Variants in SLC35F1 observed in about 807,000 individuals in gnomAD.
SLC35F1 encodes the protein chromosome 6 open reading frame 169.
In SLC35F1, 14 loss-of-function variants were observed where a neutral mutation model predicts 48.7. That is an observed-to-expected ratio of 0.29 (90% CI 0.19 to 0.45). The LOEUF is 0.45. Among genes scored for constraint, SLC35F1 ranks in the 20% least tolerant of loss-of-function variants. The pLI, the probability that SLC35F1 is intolerant of heterozygous loss-of-function variation, is 1.00. For synonymous variants in SLC35F1, 190 were observed against 202.2 expected (o/e 0.94, Z 0.51); for missense variants, 404 against 500.0 (o/e 0.81, Z 1.83).
Position 118,269,629 on chromosome 6 carries a change from C to CT in SLC35F1, c.637+2483dup, listed in dbSNP as rs375557935. Among the ~76,000 whole-genome samples, 765 of 151,992 alleles carry CT rather than the reference C, an allele frequency of 5.0e-3. 8 individuals are homozygous for CT. Among genetic ancestry groups the CT allele is most frequent in the African/African-American group, 0.018 (730 of 41,464 alleles). On this transcript the variant is annotated intron_variant, in intron 4 of 7. Coordinates refer to ENST00000360388, the MANE Select transcript of SLC35F1 (RefSeq NM_001029858.4). ...TTACATATCATTATCAAAAATATTCCTTTTTTTTCATGTCTATGGCAGAGT... is the reference window on the plus strand; with the variant it reads ...TTACATATCATTATCAAAAATATTCCTTTTTTTTTCATGTCTATGGCAGAGT...
intron 1 of SLC35F1, among the ~76,000 whole-genome samples, chr6:117,966,063 C>T (rs887870092): frequency 6.6e-6 from 1 of 150,494 alleles, no homozygotes; most frequent in African/African-American, 2.4e-5. Flanking sequence ...GACCAATCAG[C>T]TCTCTGTAAA....
intron 7 of SLC35F1, among the ~76,000 whole-genome samples, chr6:118,309,858 G>C (rs938326767): frequency 1.3e-5 from 2 of 152,172 alleles, no homozygotes; most frequent in African/African-American, 2.4e-5. Context: ...CTTTGTACAG[G>C]CTTATTATCC....
rs187097577 is a variant in SLC35F1, at chr6:118,098,411, C to T, written c.174-56034C>T. 3.3e-4 allele frequency among the ~76,000 whole-genome samples: 50 copies of T among 152,108 alleles called. 1 individual carries two copies. Among genetic ancestry groups the T allele is most frequent in the Admixed American group, 3.1e-3 (48 of 15,274 alleles). ...TTCCAGTGGCAATAATTCCTTGAGC[C>T]AGAAATTATTTTGAGACACGTGGTA... On this transcript the variant is annotated intron_variant, in intron 1 of 7. Coordinates refer to ENST00000360388, the MANE Select transcript of SLC35F1 (RefSeq NM_001029858.4).
At chr6:118,025,269 G>A (rs1582625436) in intron 1 of SLC35F1, among the ~76,000 whole-genome samples, 2 of 152,124 alleles carry the variant, frequency 1.3e-5, no homozygotes, top group African/African-American at 2.4e-5. Context: ...AGGAGCACAA[G>A]TTAGATATTT....
chr6:117,949,171 T>C (rs2114825729), intron 1 of SLC35F1, among the ~76,000 whole-genome samples: 1 of 152,328 alleles, frequency 6.6e-6, no homozygotes, highest in East Asian at 1.9e-4. Context: ...TTCAAAGTCT[T>C]ATACTCTGGG....
At position 118,089,888 on chromosome 6, in the gene SLC35F1, A is replaced by G. The variant is rs949387855; in HGVS notation, c.174-64557A>G. On this transcript the variant is annotated intron_variant, in intron 1 of 7. Coordinates refer to ENST00000360388, the MANE Select transcript of SLC35F1 (RefSeq NM_001029858.4). The stretch of plus-strand genomic sequence containing the variant: ...ATAAGCCAATTTCATGAAACAAAAC[A>G]CAATGCCTTAATTCTTGACTCAAAG... Among the ~76,000 whole-genome samples, 6 of 152,320 alleles carry G rather than the reference A, an allele frequency of 3.9e-5. No individual in the cohort carries two copies. The East Asian group carries it at 1.2e-3, about 29-fold the overall frequency.
chr6:118,093,429 C>T (rs1773105293), intron 1 of SLC35F1, among the ~76,000 whole-genome samples: 1 of 152,134 alleles, frequency 6.6e-6, no homozygotes, highest in Non-Finnish European at 1.5e-5. Context: ...CCCATAATTC[C>T]CATGTATCTT....
In SLC35F1 at chr6:118,275,421, T is replaced by C. The variant is rs746623142; in HGVS notation, c.638-38T>C. The C allele has an allele frequency of 2.5e-5, 39 of 1,577,448 alleles. No individual in the cohort carries two copies. In the African/African-American group the frequency reaches 4.8e-4, roughly 19 times the overall value. On this transcript the variant is annotated intron_variant, in intron 4 of 7. Coordinates refer to ENST00000360388, the MANE Select transcript of SLC35F1 (RefSeq NM_001029858.4). ...CAGATTCTTGTTAAGAAAGTTTTAA[T>C]GATGCTCCCTCTGTTTGTTTGTTTG...
rs57170404 is a variant in SLC35F1, at chr6:118,316,947, T to C, written c.*2695T>C. The stretch of plus-strand genomic sequence containing the variant: ...AAAAATCGCAAAGAACAAATTCTTT[T>C]TCTGTGTAAAAAACACTGATCCTTT... On this transcript the variant is annotated 3_prime_UTR_variant, in exon 8 of 8. Transcript: ENST00000360388. The C allele has an allele frequency of 1.2e-3, 178 of 152,712 alleles. No individual in the cohort carries two copies. Among genetic ancestry groups the C allele is most frequent in the African/African-American group, 4.1e-3 (169 of 41,546 alleles). The allele number at this position is 152,712 out of a possible 1,614,324, so 9.5% of individuals were successfully genotyped here.
intron 3 of SLC35F1, among the ~76,000 whole-genome samples, chr6:118,262,019 G>A (rs1331373315): frequency 2.0e-5 from 3 of 152,086 alleles, no homozygotes; most frequent in African/African-American, 7.2e-5. Flanking sequence ...CTGTAAAACC[G>A]GGATACAATT....
chr6:117,991,390 C>T (rs1776918115), intron 1 of SLC35F1, among the ~76,000 whole-genome samples: 1 of 152,084 alleles, frequency 6.6e-6, no homozygotes, highest in Non-Finnish European at 1.5e-5. Flanking sequence ...ATCACTCTTC[C>T]TATTTTGGTT....
chr6:118,041,032 T>TA (rs1772212453), intron 1 of SLC35F1, among the ~76,000 whole-genome samples: 1 of 152,102 alleles, frequency 6.6e-6, no homozygotes, highest in African/African-American at 2.4e-5. Context: ...TCTAGTATTA[T>TA]AAGAAATATG....
rs1412931209 is a variant in SLC35F1 at position 118,011,042 on chromosome 6, T to G, written c.173+103143T>G. Among the ~76,000 whole-genome samples the G allele has an allele frequency of 3.3e-5, 5 of 151,994 alleles. No homozygotes were observed. The East Asian group carries it at 7.7e-4, about 23-fold the overall frequency. On this transcript the variant is annotated intron_variant, in intron 1 of 7. Transcript: ENST00000360388. ...ACATCTAGTGGGTAGAGGCCAGGGG[T>G]GCTGCAAAACATCCAATAGTACAGT...
At chr6:118,029,128 A>ATT (rs10646260) in intron 1 of SLC35F1, among the ~76,000 whole-genome samples, 62,151 of 151,604 alleles carry the variant, frequency 0.41, 12,889 homozygotes, top group Admixed American at 0.48. Context: ...ACAGATGAAG[A>ATT]AGCTTCAGGA....
intron 3 of SLC35F1, among the ~76,000 whole-genome samples, chr6:118,260,048 G>A (rs1307960389): frequency 1.3e-5 from 2 of 152,062 alleles, no homozygotes; most frequent in Non-Finnish European, 2.9e-5. Context: ...GCAGTAAAAA[G>A]GAATGAGGTG....
At chr6:117,925,488 G>C (rs1425418120) in intron 1 of SLC35F1, among the ~76,000 whole-genome samples, 3 of 152,168 alleles carry the variant, frequency 2.0e-5, no homozygotes, top group Non-Finnish European at 4.4e-5. Context: ...TGATTGCATT[G>C]CTACATGCTT....
intron 1 of SLC35F1, among the ~76,000 whole-genome samples, chr6:117,998,365 A>G (rs531527611): frequency 0.02 from 2,982 of 151,724 alleles, 100 homozygotes; most frequent in African/African-American, 0.068. Context: ...AGACAGATCA[A>G]CGAGACAGAA....
intron 2 of SLC35F1, among the ~76,000 whole-genome samples, chr6:118,156,183 G>A (rs1024210038): frequency 7.9e-5 from 12 of 151,844 alleles, no homozygotes; most frequent in African/African-American, 1.9e-4. Context: ...TCCTGAGTGC[G>A]ATTTGGAAGC....
At chr6:118,001,792 A>G (rs1043894024) in intron 1 of SLC35F1, among the ~76,000 whole-genome samples, 3 of 152,144 alleles carry the variant, frequency 2.0e-5, no homozygotes, top group African/African-American at 7.2e-5. Flanking sequence ...TGGGCGAAGG[A>G]TATGAACAGA....
Sources: gnomAD v4.1 joint callset for allele counts (sites outside exome capture counted in the v4.1 genomes callset) on GRCh38, gnomAD v4.1.1 for gene constraint, MANE v1.5 for transcripts, NCBI Gene and HGNC (gene_info 2026-07-23, HGNC 2026-07-21) for gene names.